The following POU2F2 variants were observed in gnomAD, a reference collection of about 807,000 sequenced individuals.
POU2F2 encodes the protein POU class 2 homeobox 2.
A neutral mutation model predicts 63.5 loss-of-function variants in POU2F2; 14 were observed. The observed-to-expected ratio is 0.22, with a 90% CI of 0.15 to 0.34. POU2F2 has a LOEUF of 0.34. Among genes scored for constraint, POU2F2 ranks in the 10% least tolerant of loss-of-function variants. The probability of loss-of-function intolerance (pLI) is 1.00; values close to 1 mark genes in which losing one functional copy is unlikely to be tolerated. For synonymous variants in POU2F2, 306 were observed against 348.6 expected (o/e 0.88, Z 1.36); for missense variants, 607 against 815.2 (o/e 0.74, Z 3.11).
chr19:42,109,460 A>T (rs1254688771), intron 5 of POU2F2, among the ~76,000 whole-genome samples: 1 of 152,192 alleles, frequency 6.6e-6, no homozygotes, highest in African/African-American at 2.4e-5. Context: ...GGAACTATGT[A>T]AACTATATCG....
intron 2 of POU2F2, 53 bp from the exon 3 acceptor site, chr19:42,122,431 TC>T: frequency 6.2e-7 from 1 of 1,610,082 alleles, no homozygotes; most frequent in Non-Finnish European, 8.5e-7. Flanking sequence ...ACCACACCTG[TC>T]CCCTCCCAGC....
At chr19:42,146,915 G>A (rs1379809186) in intron 2 of POU2F2, among the ~76,000 whole-genome samples, 4 of 152,082 alleles carry the variant, frequency 2.6e-5, no homozygotes, top group Admixed American at 2.6e-4. Flanking sequence ...TTCCAAAAGC[G>A]CTGTCTGATT....
chr19:42,109,627 A>G (rs979964380), intron 5 of POU2F2, among the ~76,000 whole-genome samples: 1 of 152,148 alleles, frequency 6.6e-6, no homozygotes, highest in African/African-American at 2.4e-5. Flanking sequence ...AATATCAAAG[A>G]CAGAGTTTTA....
At chr19:42,160,668 G>A (rs1298186541) in intron 1 of POU2F2, among the ~76,000 whole-genome samples, 2 of 152,230 alleles carry the variant, frequency 1.3e-5, no homozygotes, top group African/African-American at 4.8e-5. Context: ...CAGACTGGAA[G>A]CTTCTTAAAG....
At chr19:42,119,216 A>G (rs2032294639) in intron 4 of POU2F2, among the ~76,000 whole-genome samples, 2 of 151,958 alleles carry the variant, frequency 1.3e-5, no homozygotes. Context: ...TCAGGGTAGC[A>G]GCTATCCCTG....
chr19:42,167,531 G>C (rs953756917), intron 1 of POU2F2, among the ~76,000 whole-genome samples: 5 of 152,088 alleles, frequency 3.3e-5, no homozygotes, highest in Non-Finnish European at 5.9e-5. Flanking sequence ...GATTTTGACA[G>C]CTTTCCTGGC....
At chr19:42,102,989 T>C (rs1568993498) in intron 5 of POU2F2, among the ~76,000 whole-genome samples, 1 of 151,152 alleles carries the variant, frequency 6.6e-6, no homozygotes, top group East Asian at 1.9e-4. Context: ...CACTGCCCTA[T>C]CCCTCCTTGG....
chr19:42,125,267 T>G (rs920894417), intron 1 of POU2F2, among the ~76,000 whole-genome samples: 2 of 150,048 alleles, frequency 1.3e-5, no homozygotes, highest in African/African-American at 4.9e-5. Flanking sequence ...TAGGCTGAGA[T>G]GGGAAGGTCG....
chr19:42,174,121 C>T (rs1238659593), intron 1 of POU2F2, among the ~76,000 whole-genome samples: 5 of 152,140 alleles, frequency 3.3e-5, no homozygotes, highest in African/African-American at 1.2e-4. Context: ...GCCATACGCC[C>T]GCGACCTCTG....
At chr19:42,099,852 G>A in intron 5 of POU2F2, 31 bp from the exon 6 acceptor site, 1 of 1,527,678 alleles carries the variant, frequency 6.5e-7, no homozygotes, top group Non-Finnish European at 8.9e-7. Flanking sequence ...CAGAAAGATA[G>A]CCTGAGTCCT....
At chr19:42,128,954 TC>T (rs759283334) in intron 1 of POU2F2, among the ~76,000 whole-genome samples, 2 of 152,028 alleles carry the variant, frequency 1.3e-5, no homozygotes, top group South Asian at 4.1e-4. Flanking sequence ...TGCCTCAGCC[TC>T]CCGAGTAGCT....
chr19:42,172,501 A>G (rs1181048440), intron 1 of POU2F2, among the ~76,000 whole-genome samples: 1 of 152,156 alleles, frequency 6.6e-6, no homozygotes, highest in African/African-American at 2.4e-5. Context: ...CTCCTTCCGA[A>G]TGCGTCAGAG....
upstream of POU2F2, chr19:42,177,410 A>T (rs2034907066): frequency 1.3e-5 from 2 of 152,046 alleles, no homozygotes. Flanking sequence ...ATGCTCAGAG[A>T]GAGAGCGCGA....
In POU2F2 at chr19:42,092,055, G is replaced by A. The variant is rs554689747; in HGVS notation, c.1466+14C>T. 6.7e-5 allele frequency: 107 copies of A among 1,591,382 alleles called. No homozygotes were observed. In the South Asian group the frequency reaches 7.6e-4, roughly 11 times the overall value. On this transcript the variant is annotated intron_variant, in intron 13 of 14. Coordinates refer to ENST00000692977, the MANE Select transcript of POU2F2 (RefSeq NM_001394376.1). This position sits in a 1 kb window ranked among gnomAD's most constrained non-coding sequence, Gnocchi z 5.0. ...CCTGCTTCTCCCCACAGCTTCCCACGTGCACCCACTTACCCCGTGCTGGGG... is the reference window on the plus strand; with the variant it reads ...CCTGCTTCTCCCCACAGCTTCCCACATGCACCCACTTACCCCGTGCTGGGG...
At chr19:42,175,557 T>C (rs2034857917) in intron 1 of POU2F2, among the ~76,000 whole-genome samples, 1 of 144,212 alleles carries the variant, frequency 6.9e-6, no homozygotes, top group Admixed American at 7.0e-5. Context: ...AACTAAGGGG[T>C]GGGGAGGAGG....
intron 2 of POU2F2, among the ~76,000 whole-genome samples, chr19:42,151,227 G>A (rs564980222): frequency 6.6e-6 from 1 of 152,204 alleles, no homozygotes; most frequent in African/African-American, 2.4e-5. Context: ...CCTAACAAAG[G>A]GAGCATCGGC....
intron 5 of POU2F2, among the ~76,000 whole-genome samples, chr19:42,109,405 CAAGTT>C (rs1390314968): frequency 6.6e-6 from 1 of 152,124 alleles, no homozygotes; most frequent in African/African-American, 2.4e-5. Context: ...CTCTCTAAGA[CAAGTT>C]AAGTCCAGAG....
chr19:42,154,028 C>T (rs1278699172), intron 2 of POU2F2, among the ~76,000 whole-genome samples: 1 of 151,836 alleles, frequency 6.6e-6, no homozygotes, highest in African/African-American at 2.4e-5. Flanking sequence ...AACACCCCTG[C>T]TTTGGTGGAT....
chr19:42,192,531 T>C (rs944029223), intron 1 of POU2F2, among the ~76,000 whole-genome samples: 4 of 152,202 alleles, frequency 2.6e-5, no homozygotes, highest in Non-Finnish European at 5.9e-5. Flanking sequence ...CAGAAAAGTC[T>C]ACCTCTGCAT....
Sources: allele counts gnomAD v4.1 joint callset (sites outside exome capture counted in the v4.1 genomes callset), GRCh38; gene constraint gnomAD v4.1.1; non-coding constraint Gnocchi (gnomAD v3.1); transcripts MANE v1.5; gene names NCBI Gene and HGNC (gene_info 2026-07-23, HGNC 2026-07-21).